Variants in NCOA2 observed in about 807,000 individuals in gnomAD.
The protein encoded by NCOA2 is nuclear receptor coactivator 2.
In NCOA2, 21 loss-of-function variants were observed where a neutral mutation model predicts 145.1. That is an observed-to-expected ratio of 0.14 (90% CI 0.10 to 0.21). NCOA2 has a LOEUF of 0.21. Ranked by LOEUF, NCOA2 falls within the 10% of genes least tolerant of loss-of-function variation. The pLI is 1.00. For missense variants in NCOA2, 1,472 were observed against 1,837.6 expected (o/e 0.80, Z 3.64); for synonymous variants, 619 against 637.5 (o/e 0.97, Z 0.44).
chr8:70,205,221 G>GT (rs1818311649), intron 4 of NCOA2, among the ~76,000 whole-genome samples: 1 of 152,186 alleles, frequency 6.6e-6, no homozygotes, highest in South Asian at 2.1e-4. Flanking sequence ...AAAAAGCAGT[G>GT]TTTGAGATAG....
At chr8:70,352,012 T>C (rs565798200) in intron 1 of NCOA2, among the ~76,000 whole-genome samples, 1 of 152,234 alleles carries the variant, frequency 6.6e-6, no homozygotes, top group East Asian at 1.9e-4. Context: ...TTTACAATTA[T>C]GCTTTTTTTC....
At chr8:70,332,994 GA>G (rs1807242872) in intron 1 of NCOA2, among the ~76,000 whole-genome samples, 1 of 152,158 alleles carries the variant, frequency 6.6e-6, no homozygotes, top group South Asian at 2.1e-4. Context: ...ATTTTACAAA[GA>G]AACTGTAAAA....
At chr8:70,317,294 G>T (rs1330349936) in intron 1 of NCOA2, among the ~76,000 whole-genome samples, 2 of 152,132 alleles carry the variant, frequency 1.3e-5, no homozygotes, top group Non-Finnish European at 2.9e-5. Context: ...TGGTGGACCT[G>T]GTTCAAGCAC....
At chr8:70,360,660 G>A (rs763539494) in intron 1 of NCOA2, among the ~76,000 whole-genome samples, 3 of 152,050 alleles carry the variant, frequency 2.0e-5, no homozygotes, top group Non-Finnish European at 2.9e-5. Context: ...TTTGTAGGCC[G>A]GGTGCGGTGG....
chr8:70,134,533 A>G (rs1261681840), intron 15 of NCOA2, among the ~76,000 whole-genome samples: 1 of 152,198 alleles, frequency 6.6e-6, no homozygotes, highest in Non-Finnish European at 1.5e-5. Context: ...GTATTCAGTG[A>G]TGGCAGGTTC....
chr8:70,145,574 G>A (rs1459409649), intron 12 of NCOA2, among the ~76,000 whole-genome samples: 8 of 151,338 alleles, frequency 5.3e-5, no homozygotes, highest in Admixed American at 5.3e-4. Flanking sequence ...GCCTGCCTCG[G>A]CCTCCCAAAG....
intron 4 of NCOA2, among the ~76,000 whole-genome samples, chr8:70,202,851 C>T (rs982376220): frequency 3.3e-5 from 5 of 152,114 alleles, no homozygotes; most frequent in African/African-American, 1.2e-4. Flanking sequence ...ACTACCCCAC[C>T]CACAAATTCA....
intron 1 of NCOA2, among the ~76,000 whole-genome samples, chr8:70,373,353 T>C (rs184349492): frequency 1.5e-3 from 230 of 152,326 alleles, no homozygotes; most frequent in Non-Finnish European, 2.5e-3. Flanking sequence ...TATCTTTTCC[T>C]GTACTTTCAA....
intron 1 of NCOA2, among the ~76,000 whole-genome samples, chr8:70,315,124 A>G (rs558916377): frequency 6.6e-6 from 1 of 152,318 alleles, no homozygotes; most frequent in African/African-American, 2.4e-5. Context: ...ACTGATTATA[A>G]AGGGATGATC....
At chr8:70,376,654 TTGAA>T (rs1480519978) in intron 1 of NCOA2, among the ~76,000 whole-genome samples, 1 of 151,990 alleles carries the variant, frequency 6.6e-6, no homozygotes, top group African/African-American at 2.4e-5. Flanking sequence ...AGATCTATGG[TTGAA>T]TGGTTTACTT....
At chr8:70,311,450 G>A (rs1417163553) in intron 1 of NCOA2, among the ~76,000 whole-genome samples, 3 of 151,844 alleles carry the variant, frequency 2.0e-5, no homozygotes, top group Non-Finnish European at 4.4e-5. Context: ...ATGCAAAAAA[G>A]AAAAAAATTA....
At chr8:70,182,461 CA>C (rs1815594687) in intron 4 of NCOA2, among the ~76,000 whole-genome samples, 1 of 152,186 alleles carries the variant, frequency 6.6e-6, no homozygotes, top group Non-Finnish European at 1.5e-5. Context: ...TTGAAATACA[CA>C]GGCCTACTTT....
At chr8:70,443,267 G>C in the NCOA2 span, among the ~76,000 whole-genome samples, 1 of 152,002 alleles carries the variant, frequency 6.6e-6, no homozygotes, top group East Asian at 1.9e-4. Context: ...TACTCAGGAG[G>C]CTGAGGCAGG....
Position 70,162,814 on chromosome 8 carries a change from G to T in NCOA2, c.873C>A (p.Ala291=). Reference sequence around the variant, plus strand: ...CCAGGTCCTCCCAGCCTGGTTTCATGGCTGCTCTCATGGTGCTGGTATCCA... The same window carrying T: ...CCAGGTCCTCCCAGCCTGGTTTCATTGCTGCTCTCATGGTGCTGGTATCCA... ...TSLDTSTMRA[A]MKPGWEDLVR... The change falls in exon 9 of 23, where the codon GCC becomes GCA. Residue 291 remains alanine, a synonymous_variant. Coordinates refer to ENST00000452400, the MANE Select transcript of NCOA2 (RefSeq NM_006540.4). 1.2e-6 allele frequency: 2 copies of T among 1,613,764 alleles called. No individual in the cohort carries two copies. The highest frequency in any genetic ancestry group is 3.3e-5 in the Admixed American group (2 of 60,006).
At position 70,283,737 on chromosome 8, in the gene NCOA2, C is replaced by T. The variant is rs543466104; in HGVS notation, c.-20+13007G>A. Among the ~76,000 whole-genome samples the T allele has an allele frequency of 3.9e-5, 6 of 152,254 alleles. No individual in the cohort carries two copies. In the South Asian group the frequency reaches 1.2e-3, roughly 32 times the overall value. On this transcript the variant is annotated intron_variant, in intron 2 of 22. Coordinates refer to ENST00000452400, the MANE Select transcript of NCOA2 (RefSeq NM_006540.4). ...AAAATGCTTGAGACCAGAAGTATTT[C>T]AGATTTCTGGTTTTTTTCAGATTTT...
intron 4 of NCOA2, among the ~76,000 whole-genome samples, chr8:70,204,196 C>CG (rs1818208976): frequency 6.6e-6 from 1 of 151,814 alleles, no homozygotes. Context: ...TTAGTAGAGA[C>CG]GGGGTTTCAC....
intron 15 of NCOA2, among the ~76,000 whole-genome samples, chr8:70,134,842 T>G (rs901799269): frequency 2.6e-5 from 4 of 152,176 alleles, no homozygotes; most frequent in African/African-American, 9.7e-5. Context: ...CCGTCCCACT[T>G]TGGTCAAGGC....
intron 2 of NCOA2, among the ~76,000 whole-genome samples, chr8:70,288,590 A>G (rs1480074379): frequency 6.7e-6 from 1 of 149,282 alleles, no homozygotes; most frequent in Non-Finnish European, 1.5e-5. Context: ...CAAAACAAAA[A>G]CAAAAAAAAA....
intron 1 of NCOA2, among the ~76,000 whole-genome samples, chr8:70,344,261 T>G (rs1808399784): frequency 6.6e-6 from 1 of 152,126 alleles, no homozygotes; most frequent in African/African-American, 2.4e-5. Flanking sequence ...TGGGAAAGGT[T>G]TGAGAATGGC....
Sources: gnomAD v4.1 joint callset for allele counts (sites outside exome capture counted in the v4.1 genomes callset) on GRCh38, gnomAD v4.1.1 for gene constraint, MANE v1.5 for transcripts, NCBI Gene and HGNC (gene_info 2026-07-23, HGNC 2026-07-21) for gene names.